MACROD2: variants seen among roughly 807,000 people sequenced by gnomAD.
MACROD2 encodes mono-ADP ribosylhydrolase 2.
In MACROD2, 36 loss-of-function variants were observed where a neutral mutation model predicts 70.4. That is an observed-to-expected ratio of 0.51 (90% CI 0.39 to 0.68). MACROD2 has a LOEUF of 0.68. Ranked by LOEUF, MACROD2 falls within the 30% of genes least tolerant of loss-of-function variation. The pLI is 0.00. For synonymous variants in MACROD2, 172 were observed against 178.8 expected (o/e 0.96, Z 0.30); for missense variants, 496 against 538.4 (o/e 0.92, Z 0.78).
At chr20:15,086,868 A>T (rs979377257) in intron 5 of MACROD2, among the ~76,000 whole-genome samples, 1 of 152,130 alleles carries the variant, frequency 6.6e-6, no homozygotes, top group Non-Finnish European at 1.5e-5. Context: ...ACTAAAGGAG[A>T]TAATATTTGT....
chr20:14,261,728 C>G (rs1211280467), intron 3 of MACROD2, among the ~76,000 whole-genome samples: 1 of 126,546 alleles, frequency 7.9e-6, no homozygotes, highest in Non-Finnish European at 2.0e-5. Context: ...TTTTATGTGT[C>G]AGATACTGAC....
chr20:14,765,784 C>T (rs2072079834), intron 5 of MACROD2, among the ~76,000 whole-genome samples: 1 of 152,090 alleles, frequency 6.6e-6, no homozygotes, highest in Non-Finnish European at 1.5e-5. Context: ...CACATGAAAA[C>T]ACCATGGCTC....
intron 7 of MACROD2, among the ~76,000 whole-genome samples, chr20:15,452,477 G>C (rs181210311): frequency 6.6e-6 from 1 of 152,238 alleles, no homozygotes; most frequent in East Asian, 1.9e-4. Flanking sequence ...TTTTTTAAAA[G>C]ACAAATGCTT....
chr20:15,151,382 G>C (rs571178186), intron 5 of MACROD2, among the ~76,000 whole-genome samples: 32 of 152,172 alleles, frequency 2.1e-4, no homozygotes, highest in Non-Finnish European at 3.7e-4. Context: ...GATGTGGCTG[G>C]GGTTTGTCTC....
chr20:15,202,169 C>T (rs185288966), intron 5 of MACROD2, among the ~76,000 whole-genome samples: 255 of 152,180 alleles, frequency 1.7e-3, no homozygotes, highest in South Asian at 0.016. Flanking sequence ...TAGACTATGC[C>T]GAAGTCATAT....
intron 15 of MACROD2, among the ~76,000 whole-genome samples, chr20:16,024,504 C>G (rs973134683): frequency 7.0e-6 from 1 of 143,028 alleles, no homozygotes; most frequent in Admixed American, 7.0e-5. Context: ...TGTTCACACA[C>G]ACACACACAG....
chr20:14,786,333 A>G (rs941137129), intron 5 of MACROD2, among the ~76,000 whole-genome samples: 2 of 151,966 alleles, frequency 1.3e-5, no homozygotes, highest in African/African-American at 4.8e-5. Flanking sequence ...AGCACTGGAT[A>G]TTTGTACCAG....
intron 5 of MACROD2, among the ~76,000 whole-genome samples, chr20:14,977,462 TACACACACACACACACAC>T (rs3045702): frequency 7.4e-6 from 1 of 135,014 alleles, no homozygotes; most frequent in African/African-American, 2.8e-5. Flanking sequence ...AAGAAAAAGA[TACACACACACACACACAC>T]ACACACACAC....
intron 10 of MACROD2, among the ~76,000 whole-genome samples, chr20:15,916,530 C>T (rs1007677261): frequency 3.3e-5 from 5 of 152,204 alleles, no homozygotes; most frequent in African/African-American, 9.7e-5. Context: ...TTTTTAAAAC[C>T]ACCATCATCC....
chr20:14,285,708 G>A (rs1056516700), intron 3 of MACROD2, among the ~76,000 whole-genome samples: 2 of 151,978 alleles, frequency 1.3e-5, no homozygotes, highest in Non-Finnish European at 1.5e-5. Context: ...TGGTTTTTGG[G>A]TATGGATAAC....
In MACROD2 at chr20:16,044,614, G is replaced by A. The variant is rs752351180; in HGVS notation, c.1275G>A (p.Glu425=). Residue 425 remains glutamate (E), a synonymous_variant, in exon 17 of 18, where the codon GAG becomes GAA. Coordinates refer to ENST00000684519, the MANE Select transcript of MACROD2 (RefSeq NM_001351661.2). ...SQVDKVNDPT[E]SQQEDQLIAG... ...TTGACAAGGTAAATGACCCAACAGAGAGTCAACAAGAAGATCAACTAATAG... is the reference window on the plus strand; with the variant it reads ...TTGACAAGGTAAATGACCCAACAGAAAGTCAACAAGAAGATCAACTAATAG... The A allele has an allele frequency of 6.2e-7, 1 of 1,612,626 alleles. No homozygotes were observed. The highest frequency in any genetic ancestry group is 1.1e-5 in the South Asian group (1 of 91,008).
chr20:14,603,111 GT>G (rs889081797), intron 4 of MACROD2, among the ~76,000 whole-genome samples: 1 of 152,202 alleles, frequency 6.6e-6, no homozygotes, highest in South Asian at 2.1e-4. Context: ...CATATAGTTG[GT>G]TTTTTTAAGA....
At chr20:15,880,613 A>G (rs6080007) in intron 9 of MACROD2, among the ~76,000 whole-genome samples, 1 of 151,824 alleles carries the variant, frequency 6.6e-6, no homozygotes, top group Admixed American at 6.6e-5. Context: ...AGTACAGAAC[A>G]TGCTTTGAAT....
intron 6 of MACROD2, among the ~76,000 whole-genome samples, chr20:15,253,090 G>T (rs980157228): frequency 2.6e-5 from 4 of 152,166 alleles, no homozygotes; most frequent in Admixed American, 6.5e-5. Context: ...GAAGAAACAA[G>T]GGAGGAGTTG....
chr20:15,960,558 G>T (rs562481494), intron 12 of MACROD2, among the ~76,000 whole-genome samples: 1 of 152,184 alleles, frequency 6.6e-6, no homozygotes, highest in Non-Finnish European at 1.5e-5. Context: ...GGAAGCACAG[G>T]TGAGGTGTGA....
intron 5 of MACROD2, among the ~76,000 whole-genome samples, chr20:14,769,850 A>G (rs115944517): frequency 0.013 from 1,910 of 152,232 alleles, 54 homozygotes; most frequent in African/African-American, 0.044. Context: ...ATGAAAAAGT[A>G]TTAGCTACAA....
intron 4 of MACROD2, among the ~76,000 whole-genome samples, chr20:14,499,249 G>T (rs563578931): frequency 2.6e-5 from 4 of 152,142 alleles, no homozygotes; most frequent in East Asian, 1.9e-4. Flanking sequence ...TAACTGCCTC[G>T]GCCAGGCACG....
chr20:15,948,869 T>C (rs1384982098), intron 12 of MACROD2, among the ~76,000 whole-genome samples: 1 of 152,200 alleles, frequency 6.6e-6, no homozygotes, highest in Non-Finnish European at 1.5e-5. Context: ...TTTCTAAAGA[T>C]CTTGTGAATA....
intron 8 of MACROD2, among the ~76,000 whole-genome samples, chr20:15,724,366 T>A (rs1331841103): frequency 6.6e-6 from 1 of 152,228 alleles, no homozygotes; most frequent in Non-Finnish European, 1.5e-5. Context: ...CATCTATGTT[T>A]TCTTGTATGC....
Sources: allele counts gnomAD v4.1 joint callset (sites outside exome capture counted in the v4.1 genomes callset), GRCh38; gene constraint gnomAD v4.1.1; transcripts MANE v1.5; gene names NCBI Gene and HGNC (gene_info 2026-07-23, HGNC 2026-07-21).